The following SLC13A2 variants were observed in gnomAD, a reference collection of about 807,000 sequenced individuals.
SLC13A2 encodes the protein Na(+)-coupled citrate transporter.
A neutral mutation model predicts 58.5 loss-of-function variants in SLC13A2; 40 were observed. The ratio of observed to expected loss-of-function variants is 0.68; its 90% confidence interval spans 0.53 to 0.89. The LOEUF (loss-of-function observed/expected upper bound fraction) is 0.89, where lower values mean the gene tolerates loss of function less well. Among genes scored for constraint, SLC13A2 ranks in the 40% least tolerant of loss-of-function variants. The probability of loss-of-function intolerance (pLI) is 0.00; values close to 1 mark genes in which losing one functional copy is unlikely to be tolerated. For synonymous variants in SLC13A2, 341 were observed against 331.6 expected (o/e 1.03, Z -0.31); for missense variants, 694 against 772.6 (o/e 0.90, Z 1.21).
In SLC13A2 at chr17:28,484,946, G is replaced by T. The variant is rs536898063; in HGVS notation, c.103-4268G>T. Among the ~76,000 whole-genome samples, 3 of 152,280 alleles carry T rather than the reference G, an allele frequency of 2.0e-5. No individual in the cohort carries two copies. In the East Asian group the frequency reaches 5.8e-4, roughly 29 times the overall value. ...TCTGAACAGGGTGACTTCCTTGGGG[G>T]TGGGGGTGACACCAGTGGGAAAGGA... is the stretch of plus-strand genomic sequence containing the variant. On this transcript the variant is annotated intron_variant, in intron 1 of 11. Transcript: ENST00000314669.
intron 1 of SLC13A2, among the ~76,000 whole-genome samples, chr17:28,475,135 G>A (rs1462204982): frequency 6.6e-6 from 1 of 152,222 alleles, no homozygotes; most frequent in Non-Finnish European, 1.5e-5. Flanking sequence ...AAGCCAGACA[G>A]GGATTTTGAT....
Position 28,496,567 on chromosome 17 carries a change from G to C in SLC13A2, c.1588G>C (p.Asp530His), listed in dbSNP as rs2069148257. The change falls in exon 11 of 12, where the codon GAC (aspartate) becomes CAC (histidine). Residue 530 changes from aspartate to histidine, a missense_variant. Physicochemically the swap from Asp to His is moderately conservative, Grantham distance 81. Transcript: ENST00000314669. The surrounding 1 kb of genome is among the most constrained non-coding windows in gnomAD (Gnocchi z 4.2). ...CAATGCCATCGTCTTCTCTTTCGGG[G>C]ACCTCAAAGTGTTGGATATGGTAAG... ...PPNAIVFSFG[D>H]LKVLDMARAG... is the part of the protein sequence containing the mutation. The C allele has an allele frequency of 6.2e-7, 1 of 1,613,516 alleles. No homozygotes were observed. Among genetic ancestry groups the C allele is most frequent in the East Asian group, 2.2e-5 (1 of 44,846 alleles).
In SLC13A2 at chr17:28,490,577, G is replaced by A. The variant is rs2068990053; in HGVS notation, c.355G>A (p.Val119Met). 1 of 1,602,500 alleles carries A rather than the reference G, an allele frequency of 6.2e-7. No homozygotes were observed. The highest frequency in any genetic ancestry group is 8.5e-7 in the Non-Finnish European group (1 of 1,171,486). ...CCTCCGTGTCCTCCTCATCGTTGGG[G>A]TGCGGCCTGCCCCGTGAGTTCCTCC... Reference protein sequence around the residue: ...IALRVLLIVGVRPAPLILGFM... With the variant: ...IALRVLLIVGMRPAPLILGFM... The change falls in exon 3 of 12, where the codon GTG becomes ATG. Residue 119 changes from valine (V) to methionine (M), a missense_variant. By Grantham distance (21) the Val-to-Met change is conservative. Coordinates refer to ENST00000314669, the MANE Select transcript of SLC13A2 (RefSeq NM_003984.4).
At chr17:28,489,895 C>T (rs539889216) in intron 2 of SLC13A2, among the ~76,000 whole-genome samples, 5 of 152,154 alleles carry the variant, frequency 3.3e-5, no homozygotes, top group South Asian at 2.1e-4. Flanking sequence ...AATGGAATCA[C>T]GGTAGATTAT....
At chr17:28,480,276 G>A (rs1025353632) in intron 1 of SLC13A2, among the ~76,000 whole-genome samples, 1 of 151,820 alleles carries the variant, frequency 6.6e-6, no homozygotes, top group African/African-American at 2.4e-5. Flanking sequence ...CAAGGCTGAA[G>A]TGAGCAGTGA....
At chr17:28,477,430 G>A (rs754516734) in intron 1 of SLC13A2, among the ~76,000 whole-genome samples, 13 of 151,750 alleles carry the variant, frequency 8.6e-5, no homozygotes, top group Middle Eastern at 3.4e-3. Context: ...TCCTGACCTC[G>A]TGATCCGCCC....
rs1173219977 is a variant in SLC13A2, at chr17:28,477,225, A to G, written c.102+3411A>G. On this transcript the variant is annotated intron_variant, in intron 1 of 11. Coordinates refer to ENST00000314669, the MANE Select transcript of SLC13A2 (RefSeq NM_003984.4). ...TTTTTTTTTTTTGAGACTGAGTCTCACTCTGTCACCCAGGCTGGAGTGCAG... is the reference window on the plus strand; with the variant it reads ...TTTTTTTTTTTTGAGACTGAGTCTCGCTCTGTCACCCAGGCTGGAGTGCAG... Among the ~76,000 whole-genome samples, 32 of 119,174 alleles carry G rather than the reference A, an allele frequency of 2.7e-4. No individual in the cohort carries two copies. The Admixed American group carries it at 2.9e-3, about 11-fold the overall frequency. 78.2% of individuals were successfully genotyped at this position (119,174 alleles called of 152,430 possible).
At chr17:28,488,331 G>A (rs934834290) in intron 1 of SLC13A2, among the ~76,000 whole-genome samples, 6 of 152,216 alleles carry the variant, frequency 3.9e-5, no homozygotes, top group Middle Eastern at 3.4e-3. Context: ...CCCAGCATGC[G>A]GCCCCTTCCC....
Position 28,494,630 on chromosome 17 carries a change from G to T in SLC13A2, c.1308+118G>T. ...CCTGGTCCCCACGTAGGAGCCTCTC[G>T]GGTAGGCAGAGCCTTTGCAGCAGCT... On this transcript the variant is annotated intron_variant, in intron 9 of 11. Coordinates refer to ENST00000314669, the MANE Select transcript of SLC13A2 (RefSeq NM_003984.4). The surrounding 1 kb of genome is among the most constrained non-coding windows in gnomAD (Gnocchi z 4.0). 1.4e-6 allele frequency: 2 copies of T among 1,448,094 alleles called. No homozygotes were observed. Among genetic ancestry groups the T allele is most frequent in the East Asian group, 2.3e-5 (1 of 43,228 alleles). The allele number at this position is 1,448,094 out of a possible 1,614,324, so 89.7% of individuals were successfully genotyped here.
chr17:28,489,392 G>T, intron 2 of SLC13A2, 50 bp downstream of exon 2: 1 of 1,567,068 alleles, frequency 6.4e-7, no homozygotes. Context: ...GGGAGGCCAG[G>T]GGGTGGGTTC....
chr17:28,490,437 A>G lies in SLC13A2; in HGVS notation c.232-17A>G, dbSNP rs375162665. ...TCCAGGGTCTTCCCGCCGCTCAGCC[A>G]TGTCTCCACCTGCCAGGTTGCCGTC... On this transcript the variant is annotated splice_polypyrimidine_tract_variant and intron_variant, in intron 2 of 11. Transcript: ENST00000314669. 2 of 1,614,094 alleles carry G rather than the reference A, an allele frequency of 1.2e-6. No individual in the cohort carries two copies. The highest frequency in any genetic ancestry group is 1.7e-6 in the Non-Finnish European group (2 of 1,180,016).
intron 1 of SLC13A2, among the ~76,000 whole-genome samples, chr17:28,476,272 T>C (rs1555599883): frequency 6.6e-6 from 1 of 152,018 alleles, no homozygotes; most frequent in African/African-American, 2.4e-5. Flanking sequence ...CCCACTCTGC[T>C]CAAAACCCTA....
intron 1 of SLC13A2, among the ~76,000 whole-genome samples, chr17:28,481,375 C>T (rs532948622): frequency 3.3e-5 from 5 of 152,310 alleles, no homozygotes; most frequent in Non-Finnish European, 5.9e-5. Flanking sequence ...TGAATGAGAA[C>T]AAGCAAAGGG....
At chr17:28,489,157 G>C in intron 1 of SLC13A2, 57 bp from the exon 2 acceptor site, 1 of 1,589,668 alleles carries the variant, frequency 6.3e-7, no homozygotes, top group Non-Finnish European at 8.6e-7. Flanking sequence ...ACAGGAGGTG[G>C]CATAGCTCTG....
Position 28,491,567 on chromosome 17 carries a change from C to A in SLC13A2, c.705C>A (p.Ala235=). 2 of 1,613,692 alleles carry A rather than the reference C, an allele frequency of 1.2e-6. No individual in the cohort carries two copies. Among genetic ancestry groups the A allele is most frequent in the Non-Finnish European group, 1.7e-6 (2 of 1,180,040 alleles). The change falls in exon 5 of 12, where the codon GCC becomes GCA. Residue 235 remains alanine (A), a synonymous_variant. Transcript: ENST00000314669. ...ACTCCGCCAGCATCGGGGGCATCGC[C>A]ACGCTGACTGGCACCGCACCCAACC... is the stretch of plus-strand genomic sequence containing the variant. ...VCYSASIGGI[A]TLTGTAPNLV... is the part of the protein sequence containing the mutation.
Position 28,494,761 on chromosome 17 carries a change from G to A in SLC13A2, c.1308+249G>A, listed in dbSNP as rs1555604327. Among the ~76,000 whole-genome samples the A allele has an allele frequency of 6.6e-6, 1 of 152,082 alleles. No homozygotes were observed. Among genetic ancestry groups the A allele is most frequent in the Non-Finnish European group, 1.5e-5 (1 of 68,004 alleles). On this transcript the variant is annotated intron_variant, in intron 9 of 11. Coordinates refer to ENST00000314669, the MANE Select transcript of SLC13A2 (RefSeq NM_003984.4). This position sits in a 1 kb window ranked among gnomAD's most constrained non-coding sequence, Gnocchi z 4.0. The stretch of plus-strand genomic sequence containing the variant: ...AAGGGAAGGCAGGATTCTCTGGTGG[G>A]CAGAGCCTGTTCTCAGAGACAAATG...
At chr17:28,495,335 G>A (rs1343186203) in intron 9 of SLC13A2, among the ~76,000 whole-genome samples, 1 of 152,168 alleles carries the variant, frequency 6.6e-6, no homozygotes, top group Non-Finnish European at 1.5e-5. Flanking sequence ...GTTGTCCAGG[G>A]ACCTCCTGAG....
At chr17:28,493,470 TGCC>T in intron 6 of SLC13A2, 98 bp from the exon 7 acceptor site, 6 of 947,232 alleles carry the variant, frequency 6.3e-6, no homozygotes, top group Admixed American at 2.9e-5. Context: ...GACCCTGAGA[TGCC>T]CTCTGTGGGC....
Position 28,490,553 on chromosome 17 carries a change from C to T in SLC13A2, c.331C>T (p.Leu111Phe), listed in dbSNP as rs1567854677. Residue 111 changes from leucine (L) to phenylalanine (F), a missense_variant, in exon 3 of 12, where the codon CTC (leucine) becomes TTC (phenylalanine). Leu to Phe is a conservative substitution (Grantham distance 22). Transcript: ENST00000314669. Reference sequence around the variant, plus strand: ...CTGGAACCTGCATAAACGCATCGCCCTCCGTGTCCTCCTCATCGTTGGGGT... The same window carrying T: ...CTGGAACCTGCATAAACGCATCGCCTTCCGTGTCCTCCTCATCGTTGGGGT... ...EHWNLHKRIA[L>F]RVLLIVGVRP... The T allele has an allele frequency of 6.2e-7, 1 of 1,609,760 alleles. No individual in the cohort carries two copies. The highest frequency in any genetic ancestry group is 8.5e-7 in the Non-Finnish European group (1 of 1,176,510).
Sources: allele counts gnomAD v4.1 joint callset (sites outside exome capture counted in the v4.1 genomes callset), GRCh38; gene constraint gnomAD v4.1.1; non-coding constraint Gnocchi (gnomAD v3.1); transcripts MANE v1.5; gene names NCBI Gene and HGNC (gene_info 2026-07-23, HGNC 2026-07-21).